HES6: variants seen among roughly 807,000 people sequenced by gnomAD.
HES6 encodes the protein transcription cofactor HES-6.
In HES6, 24 loss-of-function variants were observed where a neutral mutation model predicts 16.4. That is an observed-to-expected ratio of 1.46 (90% CI 1.06 to 2.06). The LOEUF (loss-of-function observed/expected upper bound fraction) is 2.06. HES6 is among the 30% of genes most tolerant of loss of function. HES6 has a pLI of 0.00. For missense variants in HES6, 355 were observed against 317.6 expected (o/e 1.12, Z -0.90); for synonymous variants, 159 against 144.3 (o/e 1.10, Z -0.73).
Position 238,239,942 on chromosome 2 carries a change from A to G in HES6, c.-37T>C, listed in dbSNP as rs1695272955. On this transcript the variant is annotated 5_prime_UTR_variant, in exon 1 of 4. Transcript: ENST00000272937. ...CGGGGACGCGGCAGGGGCTAGGAGC[A>G]GCGGGGACGGGGAGCGGCGGGGACC... The G allele has an allele frequency of 8.5e-7, 1 of 1,177,018 alleles. No individual in the cohort carries two copies. Among genetic ancestry groups the G allele is most frequent in the Non-Finnish European group, 1.1e-6 (1 of 948,760 alleles). 72.9% of individuals were successfully genotyped at this position (1,177,018 alleles called of 1,614,324 possible).
intron 2 of HES6, 43 bp from the exon 3 acceptor site, chr2:238,239,611 G>GGGGCCCCC: frequency 3.1e-5 from 35 of 1,135,496 alleles, no homozygotes; most frequent in East Asian, 4.6e-5. Flanking sequence ...CGCGCTCCCG[G>GGGGCCCCC]ACCCGCCCGC....
Position 238,239,581 on chromosome 2 carries a change from GA to G in HES6, c.169-14del. The stretch of plus-strand genomic sequence containing the variant: ...GCTTGGCCTGCACCTGCGCGGGCGG[GA>G]AGGGCGGTGAGCCGGCAGCGCGCTC... On this transcript the variant is annotated splice_polypyrimidine_tract_variant and intron_variant, in intron 2 of 3. Coordinates refer to ENST00000272937, the MANE Select transcript of HES6 (RefSeq NM_018645.6). The G allele has an allele frequency of 8.2e-7, 1 of 1,212,538 alleles. No individual in the cohort carries two copies. The highest frequency in any genetic ancestry group is 1.0e-6 in the Non-Finnish European group (1 of 977,102). The allele number at this position is 1,212,538 out of a possible 1,614,324, so 75.1% of individuals were successfully genotyped here. A position where few individuals can be genotyped will look rare whatever the true frequency, so the allele number is the denominator to read the frequency against.
chr2:238,238,968 C>A lies in HES6; in HGVS notation c.534G>T (p.Gly178=). 1 of 1,603,680 alleles carries A rather than the reference C, an allele frequency of 6.2e-7. No homozygotes were observed. ...CCTCCAGGTCGGAGCACAGGTCGTC[C>A]CCAGGACCCGGGGGGCTGGGTATTG... ...GSPIPSPPGP[G]DDLCSDLEEA... is the part of the protein sequence containing the mutation. The change falls in exon 4 of 4, where the codon GGG becomes GGT. Residue 178 remains glycine (G), a synonymous_variant. Coordinates refer to ENST00000272937, the MANE Select transcript of HES6 (RefSeq NM_018645.6).
Position 238,239,715 on chromosome 2 carries a change from G to C in HES6, c.114C>G (p.Arg38=). 1 of 1,338,158 alleles carries C rather than the reference G, an allele frequency of 7.5e-7. No individual in the cohort carries two copies. The highest frequency in any genetic ancestry group is 1.5e-5 in the African/African-American group (1 of 66,092). The allele number at this position is 1,338,158 out of a possible 1,614,324, so 82.9% of individuals were successfully genotyped here. A position where few individuals can be genotyped will look rare whatever the true frequency, so the allele number is the denominator to read the frequency against. The change falls in exon 2 of 4, where the codon CGC becomes CGG. Residue 38 remains arginine, a synonymous_variant. Transcript: ENST00000272937. ...ARKPLVEKKR[R]ARINESLQEL... Reference sequence around the variant, plus strand: ...CCTGCAGGCTCTCGTTGATCCGCGCGCGCCGCTTCTTCTCCACCAGGGGCT... The same window carrying C: ...CCTGCAGGCTCTCGTTGATCCGCGCCCGCCGCTTCTTCTCCACCAGGGGCT...
rs1695240931 is a variant in HES6, at chr2:238,239,217, GCGCTCGCT to G, written c.277_284del (p.Ser93LeufsTer42). On this transcript the variant is annotated frameshift_variant, in exon 4 of 4. Coordinates refer to ENST00000272937, the MANE Select transcript of HES6 (RefSeq NM_018645.6). LOFTEE classifies it high-confidence loss of function. The stretch of plus-strand genomic sequence containing the variant: ...TGCACTGGATGTAGCCGGCAGCGAA[GCGCTCGCT>G]CGCTTCCGCCTGCAGCTGCTCGCGC... 1 of 1,609,796 alleles carries G rather than the reference GCGCTCGCT, an allele frequency of 6.2e-7. No homozygotes were observed. Among genetic ancestry groups the G allele is most frequent in the African/African-American group, 1.3e-5 (1 of 74,898 alleles).
chr2:238,238,851 G>T lies in HES6; in HGVS notation c.651C>A (p.Ala217=). 6.4e-7 allele frequency: 1 copy of T among 1,572,104 alleles called. No homozygotes were observed. The highest frequency in any genetic ancestry group is 2.3e-5 in the East Asian group (1 of 43,168). ...GTCACCAAGGCCTCCAGACACTCCG[G>T]GCAATTTGGGCTGTGGTCAGGCTGC... is the stretch of plus-strand genomic sequence containing the variant. The part of the protein sequence containing the change: ...ALGSLTTAQI[A]RSVWRPW Residue 217 remains alanine (A), a synonymous_variant, in exon 4 of 4, where the codon GCC becomes GCA. Transcript: ENST00000272937.
At chr2:238,239,611 G>GGGGGGGGCCCCCCCCCC in intron 2 of HES6, 43 bp from the exon 3 acceptor site, 3 of 1,135,676 alleles carry the variant, frequency 2.6e-6, no homozygotes, top group Non-Finnish European at 3.2e-6. Flanking sequence ...CGCGCTCCCG[G>GGGGGGGGCCCCCCCCCC]ACCCGCCCGC....
chr2:238,239,611 G>GGGGGGGGCCC, intron 2 of HES6, 43 bp from the exon 3 acceptor site: 23 of 1,135,464 alleles, frequency 2.0e-5, no homozygotes, highest in South Asian at 7.8e-5. Context: ...CGCGCTCCCG[G>GGGGGGGGCCC]ACCCGCCCGC....
chr2:238,238,743 C>T lies in HES6; in HGVS notation c.*84G>A. 7.4e-7 allele frequency: 1 copy of T among 1,357,498 alleles called. No individual in the cohort carries two copies. Among genetic ancestry groups the T allele is most frequent in the Non-Finnish European group, 1.0e-6 (1 of 997,510 alleles). 84.1% of individuals were successfully genotyped at this position (1,357,498 alleles called of 1,614,324 possible). A position where few individuals can be genotyped will look rare whatever the true frequency, so the allele number is the denominator to read the frequency against. ...GACCTGGGAGACTTCCAGGGCCCTA[C>T]CCCACCACATCTGAACCCCTGGGAG... On this transcript the variant is annotated 3_prime_UTR_variant, in exon 4 of 4. Transcript: ENST00000272937.
Position 238,239,832 on chromosome 2 carries a change from TC to T in HES6, c.73del (p.Asp25ThrfsTer45). The T allele has an allele frequency of 7.2e-7, 1 of 1,391,288 alleles. No homozygotes were observed. Among genetic ancestry groups the T allele is most frequent in the Non-Finnish European group, 9.4e-7 (1 of 1,063,516 alleles). 86.2% of individuals were successfully genotyped at this position (1,391,288 alleles called of 1,614,324 possible). On this transcript the variant is annotated frameshift_variant, in exon 1 of 4. Coordinates refer to ENST00000272937, the MANE Select transcript of HES6 (RefSeq NM_018645.6). LOFTEE classifies it high-confidence loss of function. ...EDEDGWETRG[D>X]RKARKPLVEK... ...CATGGCCCCGGCCCGCACCTTGCGGTCCCCTCGCGTCTCCCAGCCGTCCTCA... is the reference window on the plus strand; with the variant it reads ...CATGGCCCCGGCCCGCACCTTGCGGTCCCTCGCGTCTCCCAGCCGTCCTCA...
Position 238,239,108 on chromosome 2 carries a change from A to C in HES6, c.394T>G (p.Ser132Ala). The change falls in exon 4 of 4, where the codon TCC becomes GCC. Residue 132 changes from serine to alanine, a missense_variant. Physicochemically the swap from Ser to Ala is moderately conservative, Grantham distance 99. Coordinates refer to ENST00000272937, the MANE Select transcript of HES6 (RefSeq NM_018645.6). ...AAELLNHLLE[S>A]MPLREGSSFQ... ...CTGCTGCCCTCACGCAGCGGCATGGACTCGAGCAGATGGTTCAGGAGCTCG... is the reference window on the plus strand; with the variant it reads ...CTGCTGCCCTCACGCAGCGGCATGGCCTCGAGCAGATGGTTCAGGAGCTCG... The C allele has an allele frequency of 6.2e-7, 1 of 1,612,560 alleles. No individual in the cohort carries two copies. Among genetic ancestry groups the C allele is most frequent in the Non-Finnish European group, 8.5e-7 (1 of 1,179,892 alleles).
In HES6 at chr2:238,239,867, GC is replaced by G; in HGVS notation, c.38del (p.Gly13AlafsTer57). The G allele has an allele frequency of 7.4e-7, 1 of 1,350,840 alleles. No individual in the cohort carries two copies. Among genetic ancestry groups the G allele is most frequent in the South Asian group, 1.8e-5 (1 of 54,382 alleles). 83.7% of individuals were successfully genotyped at this position (1,350,840 alleles called of 1,614,324 possible). A position where few individuals can be genotyped will look rare whatever the true frequency, so the allele number is the denominator to read the frequency against. On this transcript the variant is annotated frameshift_variant, in exon 1 of 4. Transcript: ENST00000272937. LOFTEE classifies it high-confidence loss of function. ...PPAAPGRDRV[G>X]REDEDGWETR... ...TCTCCCAGCCGTCCTCATCCTCACG[GC>G]CCACACGGTCCCGGCCAGGCGCCGC...
In HES6 at chr2:238,238,734, AG is replaced by A. The variant is rs989466173; in HGVS notation, c.*92del. 2.8e-5 allele frequency: 36 copies of A among 1,282,724 alleles called. No homozygotes were observed. The African/African-American group carries it at 5.0e-4, about 18-fold the overall frequency. The allele number at this position is 1,282,724 out of a possible 1,614,324, so 79.5% of individuals were successfully genotyped here. ...GGGAGGGAAGACCTGGGAGACTTCCAGGGCCCTACCCCACCACATCTGAACC... is the reference window on the plus strand; with the variant it reads ...GGGAGGGAAGACCTGGGAGACTTCCAGGCCCTACCCCACCACATCTGAACC... On this transcript the variant is annotated 3_prime_UTR_variant, in exon 4 of 4. Transcript: ENST00000272937.
chr2:238,239,098 A>C lies in HES6; in HGVS notation c.404T>G (p.Leu135Arg). 6.2e-7 allele frequency: 1 copy of C among 1,612,600 alleles called. No homozygotes were observed. The highest frequency in any genetic ancestry group is 8.5e-7 in the Non-Finnish European group (1 of 1,179,920). ...LLNHLLESMP[L>R]REGSSFQDLL... ...ATCCTGGAAGCTGCTGCCCTCACGC[A>C]GCGGCATGGACTCGAGCAGATGGTT... is the stretch of plus-strand genomic sequence containing the variant. Residue 135 changes from leucine (L) to arginine (R), a missense_variant, in exon 4 of 4, where the codon CTG becomes CGG. Coordinates refer to ENST00000272937, the MANE Select transcript of HES6 (RefSeq NM_018645.6).
At position 238,239,816 on chromosome 2, in the gene HES6, G is replaced by A. The variant is rs1462304277; in HGVS notation, c.81+9C>T. The A allele has an allele frequency of 7.1e-7, 1 of 1,404,650 alleles. No homozygotes were observed. Among genetic ancestry groups the A allele is most frequent in the East Asian group, 3.1e-5 (1 of 32,764 alleles). The allele number at this position is 1,404,650 out of a possible 1,614,324, so 87.0% of individuals were successfully genotyped here. The stretch of plus-strand genomic sequence containing the variant: ...CGCCCGCTTGCTCGCCCATGGCCCC[G>A]GCCCGCACCTTGCGGTCCCCTCGCG... On this transcript the variant is annotated intron_variant, in intron 1 of 3. Transcript: ENST00000272937.
rs1695248907 is a variant in HES6 at position 238,239,394 on chromosome 2, G to A, written c.250+93C>T. On this transcript the variant is annotated intron_variant, in intron 3 of 3. Transcript: ENST00000272937. ...TGCTCCGGTGGGAGCCCTCGCCGCC[G>A]ACAGGACAGGGGCGCCGGGAGGGAA... 49 of 1,292,758 alleles carry A rather than the reference G, an allele frequency of 3.8e-5. No individual in the cohort carries two copies. In the East Asian group the frequency reaches 1.3e-3, roughly 35 times the overall value. 80.1% of individuals were successfully genotyped at this position (1,292,758 alleles called of 1,614,324 possible).
chr2:238,239,619 C>A, intron 2 of HES6, 42 bp downstream of exon 2: 2 of 1,100,820 alleles, frequency 1.8e-6, no homozygotes, highest in Non-Finnish European at 2.2e-6. Context: ...CGGACCCGCC[C>A]GCCCGCCCCG....
At position 238,239,562 on chromosome 2, in the gene HES6, C is replaced by A. The variant is rs1401539598; in HGVS notation, c.175G>T (p.Ala59Ser). ...AGCACTTCGGCGTTCTCCAGCTTGG[C>A]CTGCACCTGCGCGGGCGGGAAGGGC... ...RLLLAGAEVQ[A>S]KLENAEVLEL... Residue 59 changes from alanine to serine, a missense_variant, in exon 3 of 4, where the codon GCC (alanine) becomes TCC (serine). By Grantham distance (99) the Ala-to-Ser change is moderately conservative. Coordinates refer to ENST00000272937, the MANE Select transcript of HES6 (RefSeq NM_018645.6). The A allele has an allele frequency of 7.9e-7, 1 of 1,263,768 alleles. No individual in the cohort carries two copies. 78.3% of individuals were successfully genotyped at this position (1,263,768 alleles called of 1,614,324 possible).
chr2:238,239,611 G>GGGGGGGGGGC, intron 2 of HES6, 43 bp from the exon 3 acceptor site: 6 of 1,135,646 alleles, frequency 5.3e-6, no homozygotes, highest in Non-Finnish European at 5.4e-6. Flanking sequence ...CGCGCTCCCG[G>GGGGGGGGGGC]ACCCGCCCGC....
Sources: allele counts gnomAD v4.1 joint callset, GRCh38; gene constraint gnomAD v4.1.1; transcripts MANE v1.5; gene names NCBI Gene and HGNC (gene_info 2026-07-23, HGNC 2026-07-21).